ARHGAP32: variants seen among roughly 807,000 people sequenced by gnomAD.
ARHGAP32 encodes the protein rho GTPase-activating protein 32.
ARHGAP32 carries 51 observed loss-of-function variants against 186.5 expected under a neutral mutation model. That is an observed-to-expected ratio of 0.27 (90% confidence interval 0.22 to 0.35). ARHGAP32 has a LOEUF of 0.35. Among genes scored for constraint, ARHGAP32 ranks in the 10% least tolerant of loss-of-function variants. The pLI is 1.00. For synonymous variants in ARHGAP32, 950 were observed against 964.3 expected, an observed-to-expected ratio of 0.99 and a Z score of 0.27; for missense variants, 2,186 against 2,623.5, an observed-to-expected ratio of 0.83 and a Z score of 3.64.
intron 1 of ARHGAP32, among the ~76,000 whole-genome samples, chr11:129,173,091 G>T (rs1355200068): frequency 6.6e-6 from 1 of 150,930 alleles, no homozygotes; most frequent in African/African-American, 2.4e-5. Flanking sequence ...AAAGAAGAGA[G>T]AGAAGAATCA....
intron 13 of ARHGAP32, 146 bp from the exon 14 acceptor site, chr11:128,986,814 T>C (rs1945886634): frequency 1.3e-6 from 1 of 765,378 alleles, no homozygotes; most frequent in Non-Finnish European, 2.0e-6. Context: ...TTCATTTAAG[T>C]TGTGTTTGGA....
chr11:129,071,685 C>T (rs1358122100), intron 6 of ARHGAP32, among the ~76,000 whole-genome samples: 1 of 152,026 alleles, frequency 6.6e-6, no homozygotes. Context: ...ATAGAATTAC[C>T]ATATGACTCA....
intron 12 of ARHGAP32, among the ~76,000 whole-genome samples, chr11:128,995,103 TAATTA>T (rs1946161289): frequency 6.6e-6 from 1 of 152,246 alleles, no homozygotes; most frequent in South Asian, 2.1e-4. Flanking sequence ...TCTAATACTT[TAATTA>T]TATTCATTTC....
chr11:129,226,572 T>A (rs548212569), intron 1 of ARHGAP32, among the ~76,000 whole-genome samples: 3 of 151,904 alleles, frequency 2.0e-5, no homozygotes, highest in South Asian at 4.2e-4. Context: ...TATTTTCCAG[T>A]ACAAAAAAGG....
chr11:129,107,010 A>T lies in ARHGAP32; in HGVS notation c.445-13303T>A, dbSNP rs540640126. The stretch of plus-strand genomic sequence containing the variant: ...AGAGTTCCACACCAAGACACACTAT[A>T]ATCAGATTTTTCAAAAGACAAGGTC... On this transcript the variant is annotated intron_variant, in intron 5 of 22. Coordinates refer to ENST00000682385, the MANE Select transcript of ARHGAP32 (RefSeq NM_001378024.1). Among the ~76,000 whole-genome samples, 6 of 152,312 alleles carry T rather than the reference A, an allele frequency of 3.9e-5. No homozygotes were observed. The East Asian group carries it at 1.2e-3, about 29-fold the overall frequency.
intron 1 of ARHGAP32, among the ~76,000 whole-genome samples, chr11:129,213,299 A>G (rs2135595240): frequency 6.6e-6 from 1 of 152,320 alleles, no homozygotes; most frequent in African/African-American, 2.4e-5. Flanking sequence ...CCTGAGTTAA[A>G]CCAGAAAAAT....
At chr11:129,193,558 ATATTATATATAATATAT>A (rs1944317523), upstream of ARHGAP32, among the ~76,000 whole-genome samples, 2 of 14,560 alleles carry the variant, frequency 1.4e-4, no homozygotes, top group East Asian at 2.3e-3. Context: ...TAATATATAT[ATATTATATATAATATAT>A]ATATATTATA....
intron 1 of ARHGAP32, among the ~76,000 whole-genome samples, chr11:129,184,101 C>T (rs530491051): frequency 6.7e-4 from 102 of 152,142 alleles, no homozygotes; most frequent in African/African-American, 2.3e-3. Flanking sequence ...AGGCTATACC[C>T]CACCCCTTTC....
At chr11:129,098,666 G>A (rs538510846) in intron 5 of ARHGAP32, among the ~76,000 whole-genome samples, 1 of 152,016 alleles carries the variant, frequency 6.6e-6, no homozygotes, top group Non-Finnish European at 1.5e-5. Context: ...TGATCCACCC[G>A]CCTCGGCCTC....
At chr11:129,251,818 C>T (rs1454669481) in intron 1 of ARHGAP32, among the ~76,000 whole-genome samples, 3 of 150,978 alleles carry the variant, frequency 2.0e-5, no homozygotes, top group Non-Finnish European at 4.4e-5. Context: ...CCTGTAATCC[C>T]AGCTACTCGG....
chr11:129,179,798 G>A (rs1944010509), intron 1 of ARHGAP32, among the ~76,000 whole-genome samples: 1 of 151,536 alleles, frequency 6.6e-6, no homozygotes, highest in African/African-American at 2.4e-5. Flanking sequence ...CTGTTGTGGG[G>A]TGGGGGGACG....
intron 5 of ARHGAP32, among the ~76,000 whole-genome samples, chr11:129,120,445 T>C (rs1054213915): frequency 1.3e-5 from 2 of 152,112 alleles, no homozygotes; most frequent in Non-Finnish European, 2.9e-5. Context: ...ATCATAAAAT[T>C]GTCCTTTGTA....
At chr11:129,172,193 T>A (rs1413789444) in intron 1 of ARHGAP32, among the ~76,000 whole-genome samples, 1 of 152,182 alleles carries the variant, frequency 6.6e-6, no homozygotes, top group Non-Finnish European at 1.5e-5. Flanking sequence ...TGGCCAGAAC[T>A]TCCAATACTA....
chr11:129,148,412 A>T (rs899208812), intron 2 of ARHGAP32, among the ~76,000 whole-genome samples: 2 of 152,188 alleles, frequency 1.3e-5, no homozygotes, highest in Non-Finnish European at 2.9e-5. Flanking sequence ...AGGACTCATG[A>T]AAAACATAAA....
chr11:129,174,184 G>A (rs940254876), intron 1 of ARHGAP32, among the ~76,000 whole-genome samples: 8 of 152,306 alleles, frequency 5.3e-5, no homozygotes, highest in African/African-American at 1.4e-4. Context: ...GGTGACAGAC[G>A]GCACCTGGAA....
chr11:129,138,753 T>C (rs1032239866), intron 2 of ARHGAP32, among the ~76,000 whole-genome samples: 3 of 152,184 alleles, frequency 2.0e-5, no homozygotes, highest in African/African-American at 4.8e-5. Flanking sequence ...ATAAACTCCA[T>C]ACTGACAGGT....
chr11:129,047,345 C>G (rs890301107), intron 10 of ARHGAP32, among the ~76,000 whole-genome samples: 3 of 152,084 alleles, frequency 2.0e-5, no homozygotes, highest in African/African-American at 7.2e-5. Context: ...ACTTCCTATC[C>G]TCTCAGGTCT....
At position 128,978,789 on chromosome 11, in the gene ARHGAP32, C is replaced by T. The variant is rs768015228; in HGVS notation, c.2103G>A (p.Met701Ile). ...ACTCACCTTTCAGAGCCATGGCTTTCATCTCTGAAGGCTCACTCTCATTCC... is the reference window on the plus strand; with the variant it reads ...ACTCACCTTTCAGAGCCATGGCTTTTATCTCTGAAGGCTCACTCTCATTCC... Reference protein sequence around the residue: ...LQRNESEPSEMKAMALKGGRA... With the variant: ...LQRNESEPSEIKAMALKGGRA... Residue 701 changes from methionine (M) to isoleucine (I), a missense_variant, in exon 19 of 23, where the codon ATG becomes ATA. Physicochemically the swap from Met to Ile is conservative, Grantham distance 10 (BLOSUM62 1). Coordinates refer to ENST00000682385, the MANE Select transcript of ARHGAP32 (RefSeq NM_001378024.1). The T allele has an allele frequency of 3.7e-6, 6 of 1,610,552 alleles. No homozygotes were observed. Among genetic ancestry groups the T allele is most frequent in the Non-Finnish European group, 2.5e-6 (3 of 1,178,960 alleles).
intron 2 of ARHGAP32, among the ~76,000 whole-genome samples, chr11:129,127,387 T>G (rs1357535963): frequency 1.3e-5 from 2 of 152,204 alleles, no homozygotes; most frequent in African/African-American, 2.4e-5. Context: ...GAAAATATGT[T>G]TGAACCAATA....
Sources: gnomAD v4.1 joint callset for allele counts (sites outside exome capture counted in the v4.1 genomes callset) on GRCh38, gnomAD v4.1.1 for gene constraint, MANE v1.5 for transcripts, NCBI Gene and HGNC (gene_info 2026-07-23, HGNC 2026-07-21) for gene names.